The following CERS6 variants were observed in gnomAD, a reference collection of about 807,000 sequenced individuals.
CERS6 encodes LAG1 homolog, ceramide synthase 6.
CERS6 carries 26 observed loss-of-function variants against 56.8 expected under a neutral mutation model. The ratio of observed to expected loss-of-function variants is 0.46; its 90% CI spans 0.34 to 0.63. The LOEUF is 0.63. Ranked by LOEUF, CERS6 falls within the 30% of genes least tolerant of loss-of-function variation. The probability of loss-of-function intolerance (pLI) is 0.01; values close to 1 mark genes in which losing one functional copy is unlikely to be tolerated. For synonymous variants in CERS6, 164 were observed against 173.3 expected, an observed-to-expected ratio of 0.95 and a Z score of 0.42; for missense variants, 415 against 467.5, an observed-to-expected ratio of 0.89 and a Z score of 1.04.
intron 3 of CERS6, among the ~76,000 whole-genome samples, chr2:168,598,333 T>TG (rs1479734613): frequency 1.3e-5 from 2 of 152,134 alleles, no homozygotes; most frequent in Non-Finnish European, 1.5e-5. Context: ...ACCTCGTTTT[T>TG]GGGGGGAAGA....
chr2:168,689,259 A>G lies in CERS6; in HGVS notation c.466-1775A>G, dbSNP rs181813935. Among the ~76,000 whole-genome samples, 364 of 152,296 alleles carry G rather than the reference A, an allele frequency of 2.4e-3. 1 individual carries two copies. Among genetic ancestry groups the G allele is most frequent in the African/African-American group, 8.2e-3 (341 of 41,566 alleles). On this transcript the variant is annotated intron_variant, in intron 4 of 9. Transcript: ENST00000305747. ...CCTTCAAGGACTTTCAGTTGAGGAG[A>G]TAATCAACTTTATCAGAGAGAACGG... is the stretch of plus-strand genomic sequence containing the variant.
At chr2:168,698,194 C>T (rs185530843) in intron 6 of CERS6, among the ~76,000 whole-genome samples, 6 of 147,782 alleles carry the variant, frequency 4.1e-5, no homozygotes, top group African/African-American at 7.6e-5. Flanking sequence ...ATGGCACCGC[C>T]GCACTCCAGC....
At chr2:168,631,172 C>A (rs74592540) in intron 4 of CERS6, 130 bp downstream of exon 4, 11,715 of 492,028 alleles carry the variant, frequency 0.024, 758 homozygotes, top group East Asian at 0.2. Flanking sequence ...ATTATTTGTG[C>A]ATTTTCATTT....
intron 1 of CERS6, among the ~76,000 whole-genome samples, chr2:168,545,835 CA>C (rs1227601762): frequency 6.6e-6 from 1 of 150,490 alleles, no homozygotes; most frequent in African/African-American, 2.4e-5. Context: ...CAGGCTGTTA[CA>C]AGGATGATGA....
At chr2:168,543,068 G>A (rs940702347) in intron 1 of CERS6, among the ~76,000 whole-genome samples, 2 of 152,202 alleles carry the variant, frequency 1.3e-5, no homozygotes, top group African/African-American at 4.8e-5. Context: ...GTGCAGAGAT[G>A]TTTACCTCAT....
chr2:168,767,077 C>T (rs1047467957), intron 9 of CERS6, among the ~76,000 whole-genome samples: 8 of 152,184 alleles, frequency 5.3e-5, no homozygotes, highest in African/African-American at 9.7e-5. Flanking sequence ...ACTAAATATG[C>T]AAGAATGCTG....
intron 1 of CERS6, among the ~76,000 whole-genome samples, chr2:168,505,285 G>A (rs1344426891): frequency 6.6e-6 from 1 of 151,218 alleles, no homozygotes; most frequent in East Asian, 1.9e-4. Flanking sequence ...GGGAGGCTGA[G>A]GTGGGAGGAT....
Position 168,769,847 on chromosome 2 carries a change from CT to C in CERS6, c.*188del. 3.3e-6 allele frequency: 2 copies of C among 601,452 alleles called. No individual in the cohort carries two copies. Among genetic ancestry groups the C allele is most frequent in the Non-Finnish European group, 5.7e-6 (2 of 348,822 alleles). The allele number at this position is 601,452 out of a possible 1,614,324, so 37.3% of individuals were successfully genotyped here. ...GAATGAAGAAGAATTACCATTCTCT[CT>C]TTGTAGGCATGCTGTATGTAATTGA... On this transcript the variant is annotated 3_prime_UTR_variant, in exon 10 of 10. Coordinates refer to ENST00000305747, the MANE Select transcript of CERS6 (RefSeq NM_203463.3).
At chr2:168,607,502 C>T (rs1559018152) in intron 3 of CERS6, among the ~76,000 whole-genome samples, 1 of 152,280 alleles carries the variant, frequency 6.6e-6, no homozygotes, top group African/African-American at 2.4e-5. Context: ...CTGCCTCAGC[C>T]TCCCAAGTAG....
chr2:168,526,801 G>A (rs1377100238), intron 1 of CERS6, among the ~76,000 whole-genome samples: 2 of 152,244 alleles, frequency 1.3e-5, no homozygotes, highest in Admixed American at 1.3e-4. Context: ...GAGAGAGGGA[G>A]AAAATAAATG....
At chr2:168,652,296 C>G (rs1685362690) in intron 4 of CERS6, among the ~76,000 whole-genome samples, 1 of 152,056 alleles carries the variant, frequency 6.6e-6, no homozygotes, top group South Asian at 2.1e-4. Context: ...CAAGTTGGTA[C>G]TCAAAATATT....
intron 1 of CERS6, among the ~76,000 whole-genome samples, chr2:168,475,219 A>G (rs1282844484): frequency 1.3e-5 from 2 of 152,004 alleles, no homozygotes; most frequent in Non-Finnish European, 2.9e-5. Context: ...ATATAGAGAA[A>G]AGCTAAAAAA....
intron 1 of CERS6, among the ~76,000 whole-genome samples, chr2:168,498,383 AG>A (rs1329283121): frequency 6.6e-6 from 1 of 152,150 alleles, no homozygotes; most frequent in Non-Finnish European, 1.5e-5. Context: ...TTTCTAAAAG[AG>A]GGTACCACAA....
rs140854048 is a variant in CERS6 at position 168,469,910 on chromosome 2, G to T, written c.170+13292G>T. 6.4e-4 allele frequency among the ~76,000 whole-genome samples: 97 copies of T among 152,262 alleles called. 1 individual carries two copies. The highest frequency in any genetic ancestry group is 1.9e-3 in the African/African-American group (80 of 41,552). On this transcript the variant is annotated intron_variant, in intron 1 of 9. Coordinates refer to ENST00000305747, the MANE Select transcript of CERS6 (RefSeq NM_203463.3). ...GATATGAAGATACGCAGCCTAAAGA[G>T]ATGAATGAAGTGACTTGTGCTCTGC...
In CERS6 at chr2:168,509,784, G is replaced by A. The variant is rs114550157; in HGVS notation, c.171-37812G>A. ...CTTTCAGAAGACAACAGTAGGGTCA[G>A]GTGCAGTGGCTCACGCCTGTAATCC... On this transcript the variant is annotated intron_variant, in intron 1 of 9. Transcript: ENST00000305747. Among the ~76,000 whole-genome samples, 763 of 152,320 alleles carry A rather than the reference G, an allele frequency of 5.0e-3. 3 individuals are homozygous for A. The highest frequency in any genetic ancestry group is 0.018 in the African/African-American group (736 of 41,568).
At chr2:168,556,764 A>T (rs1338597590) in intron 2 of CERS6, among the ~76,000 whole-genome samples, 3 of 152,172 alleles carry the variant, frequency 2.0e-5, no homozygotes, top group Non-Finnish European at 4.4e-5. Context: ...AAATGAAGGG[A>T]ATCTTGTGAA....
chr2:168,559,883 G>T lies in CERS6; in HGVS notation c.277-1309G>T, dbSNP rs1574065903. ...ATAAACATAGTTAATATTAAGCAAAGATATAATAAAGGAATGGAGGTCACG... is the reference window on the plus strand; with the variant it reads ...ATAAACATAGTTAATATTAAGCAAATATATAATAAAGGAATGGAGGTCACG... On this transcript the variant is annotated intron_variant, in intron 2 of 9. Transcript: ENST00000305747. Among the ~76,000 whole-genome samples the T allele has an allele frequency of 2.6e-5, 4 of 151,526 alleles. No individual in the cohort carries two copies. In the East Asian group the frequency reaches 5.8e-4, roughly 22 times the overall value.
intron 8 of CERS6, among the ~76,000 whole-genome samples, chr2:168,745,343 G>A (rs375830589): frequency 6.6e-6 from 1 of 151,886 alleles, no homozygotes; most frequent in Non-Finnish European, 1.5e-5. Context: ...CTGGGTTCAC[G>A]CCATTCTCCT....
intron 1 of CERS6, among the ~76,000 whole-genome samples, chr2:168,460,463 C>T (rs1338407871): frequency 6.6e-6 from 1 of 152,104 alleles, no homozygotes; most frequent in Non-Finnish European, 1.5e-5. Context: ...TCCCAAAGTG[C>T]TGGGATTATA....
Sources: gnomAD v4.1 joint callset for allele counts (sites outside exome capture counted in the v4.1 genomes callset) on GRCh38, gnomAD v4.1.1 for gene constraint, MANE v1.5 for transcripts, NCBI Gene and HGNC (gene_info 2026-07-23, HGNC 2026-07-21) for gene names.